The following TC2N variants were observed in gnomAD, a reference collection of about 807,000 sequenced individuals.
TC2N encodes the protein tandem C2 domains, nuclear.
Under a neutral mutation model 61.9 loss-of-function variants are expected in TC2N, and 51 were observed. The ratio of observed to expected loss-of-function variants is 0.82; its 90% CI spans 0.66 to 1.04. The LOEUF is 1.04. Ranked by LOEUF, TC2N falls within the 50% of genes least tolerant of loss-of-function variation. The probability of loss-of-function intolerance (pLI) is 0.00; values close to 1 mark genes in which losing one functional copy is unlikely to be tolerated. For missense variants in TC2N, 556 were observed against 566.7 expected, an observed-to-expected ratio of 0.98 and a Z score of 0.19; for synonymous variants, 204 against 192.6, an observed-to-expected ratio of 1.06 and a Z score of -0.49.
intron 1 of TC2N, among the ~76,000 whole-genome samples, chr14:91,853,951 C>T (rs541602396): frequency 1.3e-5 from 2 of 151,920 alleles, no homozygotes; most frequent in East Asian, 1.9e-4. Flanking sequence ...TCAAAATATT[C>T]GTGTAACCTA....
At chr14:91,800,150 A>C (rs1314845579) in intron 5 of TC2N, 131 bp downstream of exon 5, 1 of 458,788 alleles carries the variant, frequency 2.2e-6, no homozygotes, top group East Asian at 3.5e-5. Context: ...TCAATTATTT[A>C]TTCTTCAGAT....
chr14:91,823,858 CT>C (rs988226008), intron 1 of TC2N, among the ~76,000 whole-genome samples: 2 of 152,102 alleles, frequency 1.3e-5, no homozygotes, highest in African/African-American at 4.8e-5. Context: ...GTTACTTAAC[CT>C]TTTTAACCTT....
At chr14:91,785,528 C>T (rs144285229) in intron 10 of TC2N, among the ~76,000 whole-genome samples, 167 bp from the exon 11 acceptor site, 1 of 152,130 alleles carries the variant, frequency 6.6e-6, no homozygotes, top group Non-Finnish European at 1.5e-5. Context: ...GAAAACAGTT[C>T]TAATCAACTT....
At chr14:91,839,272 C>T (rs1027829668) in intron 1 of TC2N, among the ~76,000 whole-genome samples, 1 of 152,192 alleles carries the variant, frequency 6.6e-6, no homozygotes, top group African/African-American at 2.4e-5. Context: ...TTTGCACACA[C>T]CATTCCCTCT....
intron 8 of TC2N, among the ~76,000 whole-genome samples, chr14:91,794,501 C>T (rs1194983633): frequency 1.3e-5 from 2 of 152,144 alleles, no homozygotes; most frequent in Non-Finnish European, 2.9e-5. Flanking sequence ...AGCCAACACT[C>T]ACTTACCGTT....
chr14:91,859,597 T>C (rs1307724565), intron 1 of TC2N, among the ~76,000 whole-genome samples: 1 of 152,218 alleles, frequency 6.6e-6, no homozygotes, highest in Non-Finnish European at 1.5e-5. Context: ...AATAGTATCA[T>C]GCAGGAGTTT....
intron 1 of TC2N, among the ~76,000 whole-genome samples, chr14:91,819,026 G>A (rs558876964): frequency 3.1e-4 from 47 of 152,032 alleles, no homozygotes; most frequent in African/African-American, 9.9e-4. Context: ...AAGAACCTCC[G>A]CCAACACTAA....
chr14:91,804,215 T>C (rs547465728), intron 3 of TC2N, among the ~76,000 whole-genome samples: 3 of 152,322 alleles, frequency 2.0e-5, no homozygotes, highest in African/African-American at 7.2e-5. Context: ...AGTAGAGGAA[T>C]GTAAACGATC....
chr14:91,819,025 C>T (rs1025205814), intron 1 of TC2N, among the ~76,000 whole-genome samples: 5 of 152,002 alleles, frequency 3.3e-5, no homozygotes, highest in African/African-American at 4.8e-5. Context: ...TAAGAACCTC[C>T]GCCAACACTA....
At chr14:91,816,680 A>G (rs928076039) in intron 1 of TC2N, among the ~76,000 whole-genome samples, 5 of 151,950 alleles carry the variant, frequency 3.3e-5, no homozygotes, top group African/African-American at 9.7e-5. Context: ...ATTATTTTCT[A>G]TACTGACATC....
At chr14:91,799,922 T>C (rs1225434948) in intron 5 of TC2N, among the ~76,000 whole-genome samples, 1 of 152,126 alleles carries the variant, frequency 6.6e-6, no homozygotes, top group Non-Finnish European at 1.5e-5. Flanking sequence ...AATAAAGTCC[T>C]ACATCTCAAA....
intron 1 of TC2N, among the ~76,000 whole-genome samples, chr14:91,833,458 A>G (rs1451461714): frequency 6.6e-6 from 1 of 152,174 alleles, no homozygotes; most frequent in Non-Finnish European, 1.5e-5. Context: ...ATTTACCTAC[A>G]GTAAATTTCA....
intron 3 of TC2N, among the ~76,000 whole-genome samples, chr14:91,810,581 C>T (rs1886719023): frequency 1.3e-5 from 2 of 152,104 alleles, no homozygotes; most frequent in East Asian, 3.9e-4. Flanking sequence ...AGACAATCCA[C>T]AGAATCCAAA....
chr14:91,787,963 C>T (rs1885449236), intron 9 of TC2N, among the ~76,000 whole-genome samples: 1 of 151,956 alleles, frequency 6.6e-6, no homozygotes, highest in Non-Finnish European at 1.5e-5. Flanking sequence ...AATACACTTT[C>T]AAAACAACTA....
chr14:91,788,501 C>T (rs910219719), intron 9 of TC2N, among the ~76,000 whole-genome samples: 1 of 152,148 alleles, frequency 6.6e-6, no homozygotes, highest in Non-Finnish European at 1.5e-5. Flanking sequence ...TCAGCATAGA[C>T]AGACACAAAG....
intron 1 of TC2N, among the ~76,000 whole-genome samples, chr14:91,863,829 CAAA>C (rs35582740): frequency 3.3e-5 from 2 of 61,022 alleles, no homozygotes; most frequent in Admixed American, 1.7e-4. Flanking sequence ...TCCATCTCTA[CAAA>C]AAAAAAAAAA....
chr14:91,814,843 T>G (rs1159105331), intron 1 of TC2N, among the ~76,000 whole-genome samples: 1 of 151,652 alleles, frequency 6.6e-6, no homozygotes, highest in Non-Finnish European at 1.5e-5. Context: ...TAAGGCTGGA[T>G]GTTTACTGTT....
intron 3 of TC2N, among the ~76,000 whole-genome samples, chr14:91,811,865 T>A (rs537473996): frequency 6.6e-6 from 1 of 152,018 alleles, no homozygotes; most frequent in Non-Finnish European, 1.5e-5. Context: ...CCCATATGCT[T>A]TAAATCATCT....
intron 10 of TC2N, 68 bp from the exon 11 acceptor site, chr14:91,785,429 C>A: frequency 8.7e-7 from 1 of 1,153,416 alleles, no homozygotes; most frequent in Non-Finnish European, 1.3e-6. Flanking sequence ...TGTATATACA[C>A]ATCCAAGTTG....
Sources: allele counts gnomAD v4.1 joint callset (sites outside exome capture counted in the v4.1 genomes callset), GRCh38; gene constraint gnomAD v4.1.1; transcripts MANE v1.5; gene names NCBI Gene and HGNC (gene_info 2026-07-23, HGNC 2026-07-21).